The following ANKS6 variants were observed in gnomAD, a reference collection of about 807,000 sequenced individuals.
ANKS6 encodes the protein ankyrin repeat and SAM domain-containing protein 6.
Under a neutral mutation model 77.9 loss-of-function variants are expected in ANKS6, and 47 were observed. That is an observed-to-expected ratio of 0.60 (90% confidence interval 0.48 to 0.77). The LOEUF is 0.77. ANKS6 is among the 30% of genes least tolerant of loss of function. The pLI, the probability that ANKS6 is intolerant of heterozygous loss-of-function variation, is 0.00. For synonymous variants in ANKS6, 488 were observed against 501.7 expected, an observed-to-expected ratio of 0.97 and a Z score of 0.37; for missense variants, 1,150 against 1,159.1, an observed-to-expected ratio of 0.99 and a Z score of 0.11.
In ANKS6 at chr9:98,770,950, C is replaced by T. The variant is rs749102463; in HGVS notation, c.1918G>A (p.Gly640Ser). ...CGGCTCACACCTACCCCACTGGAGC[C>T]GCCCGATGAATGAGGCGAGTGGTTG... The part of the protein sequence containing the change: ...NFNHSPHSSG[G>S]SSGVGVSRHG... The change falls in exon 10 of 15, where the codon GGC becomes AGC. Residue 640 changes from glycine (G) to serine (S), a missense_variant. Coordinates refer to ENST00000353234, the MANE Select transcript of ANKS6 (RefSeq NM_173551.5). The T allele has an allele frequency of 3.4e-5, 55 of 1,594,624 alleles. No individual in the cohort carries two copies. The highest frequency in any genetic ancestry group is 5.7e-5 in the South Asian group (5 of 87,512).
chr9:98,767,628 A>G (rs1019004744), intron 11 of ANKS6, among the ~76,000 whole-genome samples: 1 of 152,230 alleles, frequency 6.6e-6, no homozygotes, highest in Non-Finnish European at 1.5e-5. Context: ...GAAGGACAAC[A>G]AAGACCACTA....
At position 98,774,048 on chromosome 9, in the gene ANKS6, CG is replaced by C; in HGVS notation, c.1649del (p.Pro550ArgfsTer5). 1 of 1,546,852 alleles carries C rather than the reference CG, an allele frequency of 6.5e-7. No individual in the cohort carries two copies. ...GGATGACTGCTTTCAGCTTGTCACT[CG>C]GGAGTCTGGTGAGGGGAGCTCCGTT... The part of the protein sequence containing the change: ...LRNGAPLTRL[P>X]SDKLKAVIPP... On this transcript the variant is annotated frameshift_variant, in exon 9 of 15. Coordinates refer to ENST00000353234, the MANE Select transcript of ANKS6 (RefSeq NM_173551.5). LOFTEE classifies it high-confidence loss of function.
At chr9:98,760,677 C>A (rs1000053540) in intron 11 of ANKS6, among the ~76,000 whole-genome samples, 2 of 152,168 alleles carry the variant, frequency 1.3e-5, no homozygotes, top group Non-Finnish European at 2.9e-5. Flanking sequence ...TCTTCTTTCA[C>A]TCAGCATGAT....
intron 2 of ANKS6, chr9:98,789,774 C>G (rs1425500621): frequency 1.5e-5 from 4 of 270,808 alleles, no homozygotes; most frequent in African/African-American, 8.6e-5. Context: ...GTCTATTTGG[C>G]CTTTTACAGA....
rs1274833586 is a variant in ANKS6, at chr9:98,783,953, C to G, written c.1112G>C (p.Gly371Ala). ...WTALMQATYH[G>A]NKEIVKYLLN... is the part of the protein sequence containing the mutation. ...CTGAGGGCGTGGGGCTGGCACTGAC[C>G]CATGGTAGGTTGCCTGCATGAGGGC... The change falls in exon 4 of 15, where the codon GGG (glycine) becomes GCG (alanine). Residue 371 changes from glycine (G) to alanine (A), a missense_variant and splice_region_variant. Coordinates refer to ENST00000353234, the MANE Select transcript of ANKS6 (RefSeq NM_173551.5). The G allele has an allele frequency of 6.3e-7, 1 of 1,587,292 alleles. No individual in the cohort carries two copies. Among genetic ancestry groups the G allele is most frequent in the Non-Finnish European group, 8.6e-7 (1 of 1,167,396 alleles).
At chr9:98,743,486 C>T (rs1004894360) in intron 14 of ANKS6, among the ~76,000 whole-genome samples, 4 of 152,200 alleles carry the variant, frequency 2.6e-5, no homozygotes, top group South Asian at 2.1e-4. Flanking sequence ...CTGCCTGCTC[C>T]GCACTTTTCT....
chr9:98,743,464 A>G (rs7035107), intron 14 of ANKS6, among the ~76,000 whole-genome samples: 121,270 of 152,142 alleles, frequency 0.8, 48,934 homozygotes, highest in African/African-American at 0.92. Flanking sequence ...GCCTTTGCAC[A>G]TGTGCTTCCC....
Position 98,735,851 on chromosome 9 carries a change from C to A in ANKS6, c.*668G>T, listed in dbSNP as rs767961707. 3 of 1,231,648 alleles carry A rather than the reference C, an allele frequency of 2.4e-6. No homozygotes were observed. Among genetic ancestry groups the A allele is most frequent in the Admixed American group, 4.2e-5 (1 of 23,726 alleles). The allele number at this position is 1,231,648 out of a possible 1,614,324, so 76.3% of individuals were successfully genotyped here. A position where few individuals can be genotyped will look rare whatever the true frequency, so the allele number is the denominator to read the frequency against. On this transcript the variant is annotated 3_prime_UTR_variant, in exon 15 of 15. Transcript: ENST00000353234. ...ATGCAGCAGGTGCAGTGGAATGCTA[C>A]AGCAGTCACATACACAGCACTAAGG...
Position 98,778,413 on chromosome 9 carries a change from G to T in ANKS6, c.1380C>A (p.Asn460Lys). Residue 460 changes from asparagine (N) to lysine (K), a missense_variant, in exon 7 of 15, where the codon AAC (asparagine) becomes AAA (lysine). Physicochemically the swap from Asn to Lys is moderately conservative, Grantham distance 94. Transcript: ENST00000353234. ...DDKGGLKSWWNRMSNRFRKLK... is the reference protein window; with the variant it reads ...DDKGGLKSWWKRMSNRFRKLK... ...GCTTTCGGAACCGATTGGACATTCG[G>T]TTCCACCAGGACTGCCAAAGGAACG... 6.2e-7 allele frequency: 1 copy of T among 1,613,952 alleles called. No individual in the cohort carries two copies. The highest frequency in any genetic ancestry group is 1.1e-5 in the South Asian group (1 of 91,024).
chr9:98,780,394 G>A (rs1030427591), intron 5 of ANKS6, 57 bp from the exon 6 acceptor site: 4 of 1,509,922 alleles, frequency 2.6e-6, no homozygotes, highest in Non-Finnish European at 3.6e-6. Context: ...GCCATAAGGA[G>A]AAGACTCAAG....
chr9:98,752,391 T>A (rs1474158635), intron 12 of ANKS6, among the ~76,000 whole-genome samples: 2 of 152,116 alleles, frequency 1.3e-5, no homozygotes, highest in African/African-American at 2.4e-5. Flanking sequence ...CTTCTTTTTT[T>A]AACTCATTCA....
At chr9:98,789,909 G>A (rs1478043901) in intron 2 of ANKS6, 195 bp downstream of exon 2, 10 of 745,714 alleles carry the variant, frequency 1.3e-5, no homozygotes, top group Non-Finnish European at 2.0e-5. Context: ...AAATCACTCT[G>A]CAGAGAGTGG....
At chr9:98,742,664 G>A (rs569501939) in intron 14 of ANKS6, among the ~76,000 whole-genome samples, 5 of 152,086 alleles carry the variant, frequency 3.3e-5, no homozygotes, top group Non-Finnish European at 5.9e-5. Context: ...CTGCCTGTTG[G>A]GGGGACACAG....
intron 1 of ANKS6, among the ~76,000 whole-genome samples, chr9:98,793,584 G>A (rs1835017952): frequency 6.6e-6 from 1 of 151,938 alleles, no homozygotes; most frequent in Non-Finnish European, 1.5e-5. Flanking sequence ...GCAGTGGCGC[G>A]ATCTCAGCTT....
At chr9:98,783,831 G>T (rs1183636160) in intron 4 of ANKS6, 122 bp downstream of exon 4, 171 of 620,432 alleles carry the variant, frequency 2.8e-4, no homozygotes, top group Middle Eastern at 1.2e-3. Flanking sequence ...ATGCCTCAAT[G>T]TCGTCATAGT....
intron 2 of ANKS6, among the ~76,000 whole-genome samples, chr9:98,786,234 C>A (rs540996851): frequency 6.6e-6 from 1 of 151,860 alleles, no homozygotes; most frequent in African/African-American, 2.4e-5. Context: ...TCGCCTTGGC[C>A]TCCCAAACTG....
In ANKS6 at chr9:98,736,006, CAT is replaced by C. The variant is rs1236335684; in HGVS notation, c.*511_*512del. ...ACCTCTCACCATAATACATACCCCC[CAT>C]CTAAGTCAAAAGTTGTTGCTGGGAA... On this transcript the variant is annotated 3_prime_UTR_variant, in exon 15 of 15. Coordinates refer to ENST00000353234, the MANE Select transcript of ANKS6 (RefSeq NM_173551.5). 1 of 1,216,142 alleles carries C rather than the reference CAT, an allele frequency of 8.2e-7. No individual in the cohort carries two copies. Among genetic ancestry groups the C allele is most frequent in the Non-Finnish European group, 1.0e-6 (1 of 978,476 alleles). The allele number at this position is 1,216,142 out of a possible 1,614,324, so 75.3% of individuals were successfully genotyped here. A position where few individuals can be genotyped will look rare whatever the true frequency, so the allele number is the denominator to read the frequency against.
At chr9:98,739,120 G>A (rs1159651857) in intron 14 of ANKS6, among the ~76,000 whole-genome samples, 1 of 149,460 alleles carries the variant, frequency 6.7e-6, no homozygotes, top group Non-Finnish European at 1.5e-5. Flanking sequence ...GACAGAGGGG[G>A]AAAGGATGGG....
At chr9:98,760,791 T>C (rs1167418945) in intron 11 of ANKS6, among the ~76,000 whole-genome samples, 1 of 88,174 alleles carries the variant, frequency 1.1e-5, no homozygotes, top group South Asian at 3.2e-4. Flanking sequence ...TTAGTTTATC[T>C]ATTCACCTGT....
Sources: allele counts gnomAD v4.1 joint callset (sites outside exome capture counted in the v4.1 genomes callset), GRCh38; gene constraint gnomAD v4.1.1; transcripts MANE v1.5; gene names NCBI Gene and HGNC (gene_info 2026-07-23, HGNC 2026-07-21).